The following ZFHX3 variants were observed in gnomAD, a reference collection of about 807,000 sequenced individuals.
The protein encoded by ZFHX3 is zinc finger homeobox protein 3.
A neutral mutation model predicts 279.1 loss-of-function variants in ZFHX3; 42 were observed. That is an observed-to-expected ratio of 0.15 (90% CI 0.12 to 0.19). The LOEUF (loss-of-function observed/expected upper bound fraction) is 0.19, where lower values mean the gene tolerates loss of function less well. Among genes scored for constraint, ZFHX3 ranks in the 10% least tolerant of loss-of-function variants. The pLI is 1.00. For synonymous variants in ZFHX3, 2,293 were observed against 1,957.8 expected (o/e 1.17, Z -4.52); for missense variants, 4,981 against 4,754.0 (o/e 1.05, Z -1.40).
chr16:72,797,135 G>A lies in ZFHX3; in HGVS notation c.5547C>T (p.Ile1849=), dbSNP rs963647437. Residue 1849 remains isoleucine, a synonymous_variant, in exon 9 of 10, where the codon ATC becomes ATT. Coordinates refer to ENST00000268489, the MANE Select transcript of ZFHX3 (RefSeq NM_006885.4). The part of the protein sequence containing the change: ...VQVPQQSHQQ[I]LPQQQQNQLS... Reference sequence around the variant, plus strand: ...GTTGGTTCTGCTGCTGCTGCGGCAAGATCTGCTGATGGCTCTGCTGTGGGA... The same window carrying A: ...GTTGGTTCTGCTGCTGCTGCGGCAAAATCTGCTGATGGCTCTGCTGTGGGA... 4.3e-6 allele frequency: 7 copies of A among 1,613,760 alleles called. No homozygotes were observed. In the African/African-American group the frequency reaches 6.7e-5, roughly 15 times the overall value.
At chr16:72,839,240 T>TC (rs1225232535) in intron 4 of ZFHX3, among the ~76,000 whole-genome samples, 1 of 151,696 alleles carries the variant, frequency 6.6e-6, no homozygotes, top group East Asian at 2.0e-4. Flanking sequence ...AAATTACACT[T>TC]CAATGTCAGC....
chr16:73,516,964 T>C (rs1445662437), intron 2 of ZFHX3, among the ~76,000 whole-genome samples: 2 of 152,212 alleles, frequency 1.3e-5, no homozygotes, highest in African/African-American at 2.4e-5. Flanking sequence ...TGTTGATACA[T>C]GAGATCAAGT....
chr16:73,654,775 A>G (rs970961591), intron 2 of ZFHX3, among the ~76,000 whole-genome samples: 1 of 151,922 alleles, frequency 6.6e-6, no homozygotes, highest in Non-Finnish European at 1.5e-5. Context: ...CTAAAAAAAG[A>G]GATAGCTTAG....
At chr16:73,668,064 A>G (rs777491000) in intron 2 of ZFHX3, among the ~76,000 whole-genome samples, 11 of 152,212 alleles carry the variant, frequency 7.2e-5, no homozygotes, top group Non-Finnish European at 1.5e-4. Context: ...CTTGAAAATG[A>G]TAAGTCACCT....
At chr16:72,910,339 C>T (rs2039287289) in intron 3 of ZFHX3, among the ~76,000 whole-genome samples, 1 of 152,202 alleles carries the variant, frequency 6.6e-6, no homozygotes, top group African/African-American at 2.4e-5. Context: ...ATTATCATCC[C>T]TGCGTCATGC....
At chr16:73,736,953 G>C (rs953296260) in intron 1 of ZFHX3, among the ~76,000 whole-genome samples, 8 of 152,254 alleles carry the variant, frequency 5.3e-5, no homozygotes, top group Admixed American at 5.2e-4. Context: ...AGGATATGGA[G>C]AAGTGTGGGC....
At chr16:73,542,081 C>T (rs1034707832) in intron 2 of ZFHX3, among the ~76,000 whole-genome samples, 10 of 151,884 alleles carry the variant, frequency 6.6e-5, no homozygotes, top group African/African-American at 1.7e-4. Context: ...ATTACAGGCT[C>T]GAGCAACCGC....
intron 1 of ZFHX3, among the ~76,000 whole-genome samples, chr16:73,879,055 G>A (rs936126045): frequency 4.0e-5 from 6 of 151,052 alleles, no homozygotes; most frequent in African/African-American, 1.5e-4. Flanking sequence ...TCCAGCGAAA[G>A]CCTCTCTTTT....
intron 1 of ZFHX3, among the ~76,000 whole-genome samples, chr16:73,825,812 G>A: frequency 1.3e-5 from 1 of 75,314 alleles, no homozygotes; most frequent in Non-Finnish European, 2.4e-5. Flanking sequence ...TAGCCTTGTA[G>A]TATAGTTTGA....
chr16:73,624,944 G>A (rs554453714), intron 2 of ZFHX3, among the ~76,000 whole-genome samples: 12 of 152,186 alleles, frequency 7.9e-5, no homozygotes, highest in African/African-American at 2.2e-4. Context: ...GGACAAAGTC[G>A]CCAAAATGTA....
chr16:73,731,475 T>TG (rs990959245), intron 1 of ZFHX3, among the ~76,000 whole-genome samples: 4 of 152,208 alleles, frequency 2.6e-5, no homozygotes, highest in South Asian at 2.1e-4. Flanking sequence ...TGTTTTTTTT[T>TG]TTGTTAGAAA....
intron 2 of ZFHX3, among the ~76,000 whole-genome samples, chr16:73,668,640 C>CA (rs543806000): frequency 7.0e-6 from 1 of 141,952 alleles, no homozygotes; most frequent in Non-Finnish European, 1.5e-5. Context: ...TAAACTCATC[C>CA]TTTTTTTTTT....
chr16:73,890,128 C>CA, intron 1 of ZFHX3, among the ~76,000 whole-genome samples: 1 of 151,474 alleles, frequency 6.6e-6, no homozygotes, highest in Non-Finnish European at 1.5e-5. Context: ...AACTTACTGG[C>CA]AGGCAGAGCG....
intron 5 of ZFHX3, among the ~76,000 whole-genome samples, chr16:73,213,117 T>G (rs1408741757): frequency 6.6e-6 from 1 of 152,162 alleles, no homozygotes; most frequent in African/African-American, 2.4e-5. Context: ...AGGACATAGC[T>G]TCCCAAAAGG....
chr16:73,778,236 T>TTA (rs1959326486), intron 1 of ZFHX3, among the ~76,000 whole-genome samples: 2 of 58,706 alleles, frequency 3.4e-5, no homozygotes, highest in African/African-American at 1.6e-4. Context: ...GAAGGAGTGT[T>TTA]AAAAAAAAAA....
At chr16:73,371,378 C>A (rs2016626341) in intron 3 of ZFHX3, among the ~76,000 whole-genome samples, 1 of 151,770 alleles carries the variant, frequency 6.6e-6, no homozygotes, top group African/African-American at 2.4e-5. Context: ...GTCATTCCAA[C>A]CCCCAATTTT....
intron 1 of ZFHX3, among the ~76,000 whole-genome samples, chr16:73,868,258 C>A (rs942561955): frequency 6.6e-6 from 1 of 152,232 alleles, no homozygotes; most frequent in African/African-American, 2.4e-5. Context: ...TGGGGTGGCT[C>A]ACGCCTGTAA....
intron 1 of ZFHX3, among the ~76,000 whole-genome samples, chr16:73,687,042 ATATATATATATATATATATATATT>A: frequency 1.2e-5 from 1 of 81,446 alleles, no homozygotes; most frequent in African/African-American, 4.9e-5. Flanking sequence ...ATATATATAT[ATATATATATATATATATATATATT>A]TGCAGCTTTA....
chr16:73,068,337 G>T (rs937919785), intron 8 of ZFHX3, among the ~76,000 whole-genome samples: 2 of 152,206 alleles, frequency 1.3e-5, no homozygotes, highest in Admixed American at 1.3e-4. Context: ...GGGCAGATGG[G>T]CTGAGGCGCA....
Sources: allele counts gnomAD v4.1 joint callset (sites outside exome capture counted in the v4.1 genomes callset), GRCh38; gene constraint gnomAD v4.1.1; transcripts MANE v1.5; gene names NCBI Gene and HGNC (gene_info 2026-07-23, HGNC 2026-07-21).